The following ABI2 variants were observed in gnomAD, a reference collection of about 807,000 sequenced individuals.
The protein encoded by ABI2 is abl interactor 2, also known as abelson interactor 2.
ABI2 carries 25 observed loss-of-function variants against 59.2 expected under a neutral mutation model. The observed-to-expected ratio is 0.42, with a 90% confidence interval of 0.31 to 0.59. The LOEUF is 0.59. Ranked by LOEUF, ABI2 falls within the 20% of genes least tolerant of loss-of-function variation. The pLI, the probability that ABI2 is intolerant of heterozygous loss-of-function variation, is 0.14. For synonymous variants in ABI2, 213 were observed against 235.5 expected (o/e 0.90, Z 0.87); for missense variants, 545 against 681.8 (o/e 0.80, Z 2.23).
intron 1 of ABI2, among the ~76,000 whole-genome samples, chr2:203,346,922 G>A (rs1490450575): frequency 6.6e-6 from 1 of 152,144 alleles, no homozygotes; most frequent in Non-Finnish European, 1.5e-5. Flanking sequence ...CCGACTTCAT[G>A]TGCTATAGTG....
rs1051481237 is a variant in ABI2, at chr2:203,428,778, G to T, written c.*1426G>T. On this transcript the variant is annotated 3_prime_UTR_variant, in exon 12 of 12. Coordinates refer to ENST00000261018, the MANE Select transcript of ABI2 (RefSeq NM_001375670.1). ...TCACTGTGATGTTGGGCCAGCTCCTGTTCAGGTCCAGAGCTGCTAACGTGG... is the reference window on the plus strand; with the variant it reads ...TCACTGTGATGTTGGGCCAGCTCCTTTTCAGGTCCAGAGCTGCTAACGTGG... 6.6e-6 allele frequency: 1 copy of T among 152,290 alleles called. No individual in the cohort carries two copies. The highest frequency in any genetic ancestry group is 2.4e-5 in the African/African-American group (1 of 41,438). 9.4% of individuals were successfully genotyped at this position (152,290 alleles called of 1,614,324 possible).
At chr2:203,409,222 T>A (rs893616151) in intron 9 of ABI2, among the ~76,000 whole-genome samples, 20 of 152,132 alleles carry the variant, frequency 1.3e-4, no homozygotes, top group Non-Finnish European at 2.6e-4. Flanking sequence ...AGCCTCTGAG[T>A]GGGAAGCAGA....
chr2:203,360,467 TTGG>T (rs755912974), intron 1 of ABI2, among the ~76,000 whole-genome samples: 3 of 151,922 alleles, frequency 2.0e-5, no homozygotes, highest in Non-Finnish European at 4.4e-5. Context: ...GGAAACAAAT[TTGG>T]TGGTTTGGGA....
chr2:203,344,623 C>T (rs2082078840), intron 1 of ABI2, among the ~76,000 whole-genome samples: 1 of 151,434 alleles, frequency 6.6e-6, no homozygotes, highest in Non-Finnish European at 1.5e-5. Context: ...AGTACAATGG[C>T]ATGATCTTTA....
At chr2:203,347,968 A>G (rs759497243) in intron 1 of ABI2, among the ~76,000 whole-genome samples, 5 of 152,128 alleles carry the variant, frequency 3.3e-5, no homozygotes, top group African/African-American at 1.2e-4. Flanking sequence ...GGCTGGGCGC[A>G]GGTGGCTCAT....
chr2:203,348,867 T>A (rs1033104901), intron 1 of ABI2, among the ~76,000 whole-genome samples: 8 of 152,056 alleles, frequency 5.3e-5, no homozygotes, highest in African/African-American at 1.7e-4. Context: ...AAAAATTTTT[T>A]TAAAAAATAG....
intron 1 of ABI2, among the ~76,000 whole-genome samples, chr2:203,363,085 C>A (rs776463030): frequency 5.9e-5 from 9 of 152,106 alleles, no homozygotes; most frequent in Non-Finnish European, 8.8e-5. Context: ...CCTGCCTCGG[C>A]CTTGCAAACT....
In ABI2 at chr2:203,367,052, C is replaced by T. The variant is rs749984907; in HGVS notation, c.285+8C>T. 5 of 1,607,934 alleles carry T rather than the reference C, an allele frequency of 3.1e-6. No individual in the cohort carries two copies. The highest frequency in any genetic ancestry group is 4.3e-6 in the Non-Finnish European group (5 of 1,176,446). ...ATCAATCATATTTCACAAGTGAGAC[C>T]ACAATATTTTCCTATTTGCCTATGA... On this transcript the variant is annotated splice_region_variant and intron_variant, in intron 2 of 11. Transcript: ENST00000261018.
At chr2:203,421,855 T>C (rs2098222779) in intron 11 of ABI2, among the ~76,000 whole-genome samples, 1 of 150,460 alleles carries the variant, frequency 6.6e-6, no homozygotes, top group Non-Finnish European at 1.5e-5. Flanking sequence ...TCCCAGCAAC[T>C]CAGGAGGCTG....
At chr2:203,422,821 C>T (rs757111933) in intron 11 of ABI2, among the ~76,000 whole-genome samples, 14 of 152,128 alleles carry the variant, frequency 9.2e-5, no homozygotes, top group Admixed American at 1.3e-4. Context: ...TCTTAGAATA[C>T]ATTAAGTGGT....
intron 8 of ABI2, 71 bp downstream of exon 8, chr2:203,397,038 TTTG>T (rs1402403440): frequency 1.5e-6 from 2 of 1,293,522 alleles, no homozygotes; most frequent in African/African-American, 3.1e-5. Context: ...ACCTCTGATT[TTTG>T]TTTGTTTTTG....
chr2:203,368,844 T>C (rs1481139458), intron 2 of ABI2, among the ~76,000 whole-genome samples: 1 of 151,832 alleles, frequency 6.6e-6, no homozygotes, highest in East Asian at 1.9e-4. Flanking sequence ...AGAGACAAAG[T>C]CTTGCCCTGT....
At chr2:203,419,284 G>T (rs929131009) in intron 11 of ABI2, among the ~76,000 whole-genome samples, 13 of 149,168 alleles carry the variant, frequency 8.7e-5, no homozygotes, top group African/African-American at 1.2e-4. Context: ...TAATTTTTTT[G>T]TATTTTTAGT....
intron 10 of ABI2, among the ~76,000 whole-genome samples, chr2:203,412,278 T>C (rs1214482995): frequency 6.6e-6 from 1 of 152,192 alleles, no homozygotes; most frequent in Non-Finnish European, 1.5e-5. Context: ...CCTGTTTTGC[T>C]TGCTAGCTGT....
At position 203,394,735 on chromosome 2, in the gene ABI2, G is replaced by A. The variant is rs775142811; in HGVS notation, c.614G>A (p.Arg205His). 9 of 1,613,834 alleles carry A rather than the reference G, an allele frequency of 5.6e-6. No homozygotes were observed. In the African/African-American group the frequency reaches 6.7e-5, roughly 12 times the overall value. Residue 205 changes from arginine (R) to histidine (H), a missense_variant, in exon 6 of 12, where the codon CGT (arginine) becomes CAT (histidine). By Grantham distance (29) the Arg-to-His change is conservative (BLOSUM62 0). Coordinates refer to ENST00000261018, the MANE Select transcript of ABI2 (RefSeq NM_001375670.1). Reference protein sequence around the residue: ...HSPYRTLEPVRPPVVPNDYVP... With the variant: ...HSPYRTLEPVHPPVVPNDYVP... ...CCCTATCGCACACTGGAGCCAGTGCGTCCTCCAGTGGTACCAAATGATTAC... is the reference window on the plus strand; with the variant it reads ...CCCTATCGCACACTGGAGCCAGTGCATCCTCCAGTGGTACCAAATGATTAC...
At chr2:203,365,536 T>A (rs141523547) in intron 1 of ABI2, among the ~76,000 whole-genome samples, 37 of 152,126 alleles carry the variant, frequency 2.4e-4, no homozygotes, top group East Asian at 1.7e-3. Context: ...GTTGGTATTT[T>A]TTTTATTTTA....
chr2:203,423,089 C>T (rs1473921734), intron 11 of ABI2, among the ~76,000 whole-genome samples: 1 of 152,182 alleles, frequency 6.6e-6, no homozygotes, highest in African/African-American at 2.4e-5. Context: ...TGCTAATACC[C>T]TACAATATTT....
intron 1 of ABI2, among the ~76,000 whole-genome samples, chr2:203,338,943 T>TATATATATACATATAA (rs2077926792): frequency 1.5e-4 from 2 of 13,450 alleles, no homozygotes; most frequent in Non-Finnish European, 2.7e-4. Flanking sequence ...TGTATATATA[T>TATATATATACATATAA]ATATATATAT....
At chr2:203,396,485 A>T (rs982306679) in intron 7 of ABI2, among the ~76,000 whole-genome samples, 1 of 152,200 alleles carries the variant, frequency 6.6e-6, no homozygotes, top group Non-Finnish European at 1.5e-5. Flanking sequence ...TATATACAGA[A>T]TGTTATGCTA....
Sources: gnomAD v4.1 joint callset for allele counts (sites outside exome capture counted in the v4.1 genomes callset) on GRCh38, gnomAD v4.1.1 for gene constraint, MANE v1.5 for transcripts, NCBI Gene and HGNC (gene_info 2026-07-23, HGNC 2026-07-21) for gene names.